Variants in ATP8A1 observed in about 807,000 individuals in gnomAD.
ATP8A1 encodes ATPase phospholipid transporting 8A1, also known as phospholipid-transporting ATPase IA.
Under a neutral mutation model 177.7 loss-of-function variants are expected in ATP8A1, and 90 were observed. The ratio of observed to expected loss-of-function variants is 0.51; its 90% CI spans 0.43 to 0.60. The LOEUF is 0.60. Ranked by LOEUF, ATP8A1 falls within the 20% of genes least tolerant of loss-of-function variation. The pLI, the probability that ATP8A1 is intolerant of heterozygous loss-of-function variation, is 0.00. For synonymous variants in ATP8A1, 493 were observed against 485.9 expected, an observed-to-expected ratio of 1.01 and a Z score of -0.19; for missense variants, 1,072 against 1,392.8, an observed-to-expected ratio of 0.77 and a Z score of 3.67.
At chr4:42,424,448 A>G (rs1434422057) in intron 33 of ATP8A1, among the ~76,000 whole-genome samples, 1 of 152,152 alleles carries the variant, frequency 6.6e-6, no homozygotes, top group Non-Finnish European at 1.5e-5. Context: ...TTTTATCAAG[A>G]GGAAATTTTT....
Position 42,500,724 on chromosome 4 carries a change from T to C in ATP8A1, c.2151+2726A>G, listed in dbSNP as rs997543473. ...CTCTTGCTATGAAAGGAGTCAAGAA[T>C]GAACCAAGGCAGAAAGACCTGTCAG... On this transcript the variant is annotated intron_variant, in intron 24 of 36. Transcript: ENST00000381668. 2.6e-5 allele frequency among the ~76,000 whole-genome samples: 4 copies of C among 152,220 alleles called. No homozygotes were observed. The East Asian group carries it at 7.7e-4, about 29-fold the overall frequency.
At chr4:42,435,442 A>AAAAAAC (rs1715836672) in intron 33 of ATP8A1, among the ~76,000 whole-genome samples, 2 of 133,928 alleles carry the variant, frequency 1.5e-5, no homozygotes, top group African/African-American at 5.9e-5. Flanking sequence ...AAAAAAAAAA[A>AAAAAAC]AAAAAAACAA....
intron 16 of ATP8A1, among the ~76,000 whole-genome samples, chr4:42,552,975 G>T (rs1729663744): frequency 6.6e-6 from 1 of 152,162 alleles, no homozygotes; most frequent in Non-Finnish European, 1.5e-5. Flanking sequence ...AAGAGAGTGA[G>T]ACTCCGTCTC....
chr4:42,586,302 T>C (rs1319603616), intron 9 of ATP8A1, 47 bp downstream of exon 9: 4 of 1,602,456 alleles, frequency 2.5e-6, no homozygotes, highest in Non-Finnish European at 1.7e-6. Context: ...AGCAATACTC[T>C]ATGACACAGT....
At chr4:42,645,753 T>A (rs893828320) in intron 1 of ATP8A1, among the ~76,000 whole-genome samples, 1 of 152,192 alleles carries the variant, frequency 6.6e-6, no homozygotes, top group Non-Finnish European at 1.5e-5. Context: ...CATTTACCCA[T>A]GACAATGAAA....
In ATP8A1 at chr4:42,657,003, G is replaced by A; in HGVS notation, c.-130C>T. 1.0e-6 allele frequency: 1 copy of A among 1,004,680 alleles called. No homozygotes were observed. Among genetic ancestry groups the A allele is most frequent in the South Asian group, 4.6e-5 (1 of 21,594 alleles). 62.2% of individuals were successfully genotyped at this position (1,004,680 alleles called of 1,614,324 possible). A position where few individuals can be genotyped will look rare whatever the true frequency, so the allele number is the denominator to read the frequency against. ...CTGGGCCGCGCCGCCGCCCACCTAG[G>A]GCAGAGCTGCCGCCGGGCGCGGCCC... is the stretch of plus-strand genomic sequence containing the variant. On this transcript the variant is annotated 5_prime_UTR_variant, in exon 1 of 37. Transcript: ENST00000381668.
In ATP8A1 at chr4:42,486,809, A is replaced by G. The variant is rs4536973; in HGVS notation, c.2152-1141T>C. Reference sequence around the variant, plus strand: ...ACAACCGCCTACAGTATTCAGTACAATAACAGGCTATAAGGGCTTGTAGCC... The same window carrying G: ...ACAACCGCCTACAGTATTCAGTACAGTAACAGGCTATAAGGGCTTGTAGCC... On this transcript the variant is annotated intron_variant, in intron 24 of 36. Coordinates refer to ENST00000381668, the MANE Select transcript of ATP8A1 (RefSeq NM_006095.2). 7.9e-3 allele frequency among the ~76,000 whole-genome samples: 1,203 copies of G among 152,298 alleles called. 18 individuals are homozygous for G. The highest frequency in any genetic ancestry group is 0.027 in the African/African-American group (1,135 of 41,556).
At chr4:42,500,483 G>A (rs866050019) in intron 24 of ATP8A1, among the ~76,000 whole-genome samples, 1 of 152,008 alleles carries the variant, frequency 6.6e-6, no homozygotes. Context: ...ACTATAGAAA[G>A]TTATTCAAAT....
chr4:42,483,794 A>G (rs1721932303), intron 25 of ATP8A1, among the ~76,000 whole-genome samples: 1 of 152,148 alleles, frequency 6.6e-6, no homozygotes, highest in South Asian at 2.1e-4. Flanking sequence ...GCAATATGAA[A>G]ATTGGCCTCC....
intron 20 of ATP8A1, among the ~76,000 whole-genome samples, chr4:42,527,899 C>T (rs553335884): frequency 5.9e-5 from 9 of 152,204 alleles, no homozygotes; most frequent in South Asian, 2.1e-4. Flanking sequence ...ACTACATAAC[C>T]GACAATTTAT....
At chr4:42,474,031 T>A (rs971774492) in intron 25 of ATP8A1, among the ~76,000 whole-genome samples, 1 of 152,082 alleles carries the variant, frequency 6.6e-6, no homozygotes, top group Non-Finnish European at 1.5e-5. Flanking sequence ...TGGATAAGTT[T>A]CTCCAAGGAA....
intron 15 of ATP8A1, among the ~76,000 whole-genome samples, chr4:42,565,408 C>T (rs1463498268): frequency 6.6e-6 from 1 of 152,080 alleles, no homozygotes; most frequent in Non-Finnish European, 1.5e-5. Context: ...TAAATGAATA[C>T]CACTCACTTC....
At chr4:42,459,870 C>A (rs556591710) in intron 27 of ATP8A1, among the ~76,000 whole-genome samples, 49 of 152,090 alleles carry the variant, frequency 3.2e-4, no homozygotes, top group Non-Finnish European at 5.4e-4. Flanking sequence ...CTGCTCACTG[C>A]AAGCTCCACC....
In ATP8A1 at chr4:42,635,794, TATATATATATATATATAC is replaced by T. The variant is rs1359363509; in HGVS notation, c.50-8703_50-8686del. 2.9e-3 allele frequency among the ~76,000 whole-genome samples: 311 copies of T among 108,302 alleles called. 9 individuals are homozygous for T. Among genetic ancestry groups the T allele is most frequent in the African/African-American group, 0.011 (269 of 25,538 alleles). The allele number at this position is 108,302 out of a possible 152,430, so 71.1% of individuals were successfully genotyped here. On this transcript the variant is annotated intron_variant, in intron 1 of 36. Coordinates refer to ENST00000381668, the MANE Select transcript of ATP8A1 (RefSeq NM_006095.2). Reference sequence around the variant, plus strand: ...ACACACACACACACATATATATATATATATATATATATATATACACATGTATGTATGTATGTAAGCTTC... The same window carrying T: ...ACACACACACACACATATATATATATACATGTATGTATGTATGTAAGCTTC...
At chr4:42,477,754 T>C (rs1440911422) in intron 25 of ATP8A1, among the ~76,000 whole-genome samples, 1 of 151,446 alleles carries the variant, frequency 6.6e-6, no homozygotes, top group Non-Finnish European at 1.5e-5. Flanking sequence ...GGAGGATCAC[T>C]TGAGCCCAGG....
intron 4 of ATP8A1, among the ~76,000 whole-genome samples, chr4:42,620,155 T>C (rs1345571363): frequency 6.6e-6 from 1 of 152,234 alleles, no homozygotes; most frequent in Non-Finnish European, 1.5e-5. Flanking sequence ...GATGTATTCA[T>C]TATTCTCACT....
rs149015332 is a variant in ATP8A1 at position 42,606,361 on chromosome 4, T to G, written c.410-5843A>C. Among the ~76,000 whole-genome samples, 812 of 152,304 alleles carry G rather than the reference T, an allele frequency of 5.3e-3. 10 individuals carry two copies. The highest frequency in any genetic ancestry group is 0.018 in the African/African-American group (768 of 41,562). ...ACACGGGTGTTGAAGCTCCATGGTA[T>G]GTATGTGAAATCTGAATTTCAGGAA... is the stretch of plus-strand genomic sequence containing the variant. On this transcript the variant is annotated intron_variant, in intron 5 of 36. Transcript: ENST00000381668.
At chr4:42,569,620 A>C (rs1216280473) in intron 14 of ATP8A1, among the ~76,000 whole-genome samples, 1 of 152,206 alleles carries the variant, frequency 6.6e-6, no homozygotes, top group South Asian at 2.1e-4. Flanking sequence ...ACACTAATAA[A>C]ATTTGTCAAA....
intron 26 of ATP8A1, 42 bp downstream of exon 26, chr4:42,464,851 T>G (rs1332012471): frequency 6.2e-7 from 1 of 1,612,416 alleles, no homozygotes; most frequent in African/African-American, 1.3e-5. Context: ...AAGCATCAGT[T>G]GACTGAGAGG....
Sources: gnomAD v4.1 joint callset for allele counts (sites outside exome capture counted in the v4.1 genomes callset) on GRCh38, gnomAD v4.1.1 for gene constraint, MANE v1.5 for transcripts, NCBI Gene and HGNC (gene_info 2026-07-23, HGNC 2026-07-21) for gene names.